The following MRS2 variants were observed in gnomAD, a reference collection of about 807,000 sequenced individuals.
MRS2 encodes the protein magnesium transporter MRS2 homolog, mitochondrial.
In MRS2, 40 loss-of-function variants were observed where a neutral mutation model predicts 52.6. The ratio of observed to expected loss-of-function variants is 0.76; its 90% CI spans 0.59 to 0.99. The LOEUF (loss-of-function observed/expected upper bound fraction) is 0.99, where lower values mean the gene tolerates loss of function less well. Ranked by LOEUF, MRS2 falls within the 50% of genes least tolerant of loss-of-function variation. The pLI, the probability that MRS2 is intolerant of heterozygous loss-of-function variation, is 0.00. For missense variants in MRS2, 472 were observed against 532.7 expected, an observed-to-expected ratio of 0.89 and a Z score of 1.12; for synonymous variants, 193 against 195.9, an observed-to-expected ratio of 0.98 and a Z score of 0.13.
At chr6:24,403,461 C>T (rs1167698885) in intron 1 of MRS2, among the ~76,000 whole-genome samples, 3 of 152,206 alleles carry the variant, frequency 2.0e-5, no homozygotes, top group Non-Finnish European at 2.9e-5. Flanking sequence ...TCCCAGCGGC[C>T]AACCCTCTGC....
rs527807926 is a variant in MRS2, at chr6:24,418,362, G to A, written c.990-99G>A. On this transcript the variant is annotated intron_variant, in intron 8 of 10. Coordinates refer to ENST00000378386, the MANE Select transcript of MRS2 (RefSeq NM_020662.4). ...ATACTACATTATTATTATTTTTTTT[G>A]TTGTGTAGGTTTCATCCATGTGGTC... 1.0e-4 allele frequency: 154 copies of A among 1,510,030 alleles called. 1 individual carries two copies. Among genetic ancestry groups the A allele is most frequent in the Middle Eastern group, 7.9e-4 (4 of 5,076 alleles). The allele number at this position is 1,510,030 out of a possible 1,614,324, so 93.5% of individuals were successfully genotyped here. A position where few individuals can be genotyped will look rare whatever the true frequency, so the allele number is the denominator to read the frequency against.
Position 24,403,221 on chromosome 6 carries a change from C to A in MRS2, c.175C>A (p.Arg59=). Residue 59 remains arginine, a synonymous_variant, in exon 1 of 11, where the codon CGG becomes AGG. Transcript: ENST00000378386. ...AGCGGCGCAGCTTTGCGGGCCCGAC[C>A]GGCTCCGCGTGGCAGGTACTGCCCT... The part of the protein sequence containing the change: ...SRAAQLCGPD[R]LRVAGEVHRF... 6.3e-7 allele frequency: 1 copy of A among 1,597,570 alleles called. No individual in the cohort carries two copies.
At position 24,418,254 on chromosome 6, in the gene MRS2, A is replaced by G; in HGVS notation, c.989+18A>G. 6.5e-7 allele frequency: 1 copy of G among 1,546,884 alleles called. No homozygotes were observed. The highest frequency in any genetic ancestry group is 8.7e-7 in the Non-Finnish European group (1 of 1,151,330). ...CTGGACAGGTAAGAAAGCATTATAT[A>G]AAACTAAGTTTTTTTAATAAAATAA... On this transcript the variant is annotated intron_variant, in intron 8 of 10. Transcript: ENST00000378386.
chr6:24,423,169 A>G (rs376788057), intron 10 of MRS2, 119 bp downstream of exon 10: 38 of 723,048 alleles, frequency 5.3e-5, no homozygotes, highest in African/African-American at 4.4e-4. Context: ...TGCTTTCTCA[A>G]ACTTCCTTCA....
intron 2 of MRS2, among the ~76,000 whole-genome samples, chr6:24,405,567 A>G (rs1761439764): frequency 6.6e-6 from 1 of 151,988 alleles, no homozygotes; most frequent in Admixed American, 6.6e-5. Flanking sequence ...GTAGTATTTA[A>G]AAATGCATGC....
rs377186498 is a variant in MRS2 at position 24,425,891 on chromosome 6, T to C, written c.*2197T>C. The C allele has an allele frequency of 1.5e-4, 23 of 152,230 alleles. No individual in the cohort carries two copies. Among genetic ancestry groups the C allele is most frequent in the African/African-American group, 4.8e-4 (20 of 41,456 alleles). 9.4% of individuals were successfully genotyped at this position (152,230 alleles called of 1,614,324 possible). A position where few individuals can be genotyped will look rare whatever the true frequency, so the allele number is the denominator to read the frequency against. Reference sequence around the variant, plus strand: ...ATTCCAAGAGTTGTATACAGCTTTATTTTTTGGAATTGCAATATTAAAGTT... The same window carrying C: ...ATTCCAAGAGTTGTATACAGCTTTACTTTTTGGAATTGCAATATTAAAGTT... On this transcript the variant is annotated 3_prime_UTR_variant, in exon 11 of 11. Coordinates refer to ENST00000378386, the MANE Select transcript of MRS2 (RefSeq NM_020662.4).
rs1351790481 is a variant in MRS2, at chr6:24,418,117, A to G, written c.870A>G (p.Glu290=). Residue 290 remains glutamate (E), a synonymous_variant, in exon 8 of 11, where the codon GAA becomes GAG. Coordinates refer to ENST00000378386, the MANE Select transcript of MRS2 (RefSeq NM_020662.4). Reference sequence around the variant, plus strand: ...GCAGTGCTGGGATTGACCATGCAGAAGAGATGGAGTTGCTGTTGGAAAACT... The same window carrying G: ...GCAGTGCTGGGATTGACCATGCAGAGGAGATGGAGTTGCTGTTGGAAAACT... ...EKSSAGIDHA[E]EMELLLENYY... is the part of the protein sequence containing the mutation. 2 of 1,613,646 alleles carry G rather than the reference A, an allele frequency of 1.2e-6. No homozygotes were observed. The highest frequency in any genetic ancestry group is 1.7e-6 in the Non-Finnish European group (2 of 1,179,782).
At chr6:24,408,476 A>C (rs1438638584) in intron 3 of MRS2, 32 bp downstream of exon 3, 3 of 1,433,990 alleles carry the variant, frequency 2.1e-6, no homozygotes, top group Non-Finnish European at 2.9e-6. Context: ...TCATTTTTTA[A>C]ACATTTAATG....
chr6:24,422,194 T>C (rs1225379515), intron 9 of MRS2, among the ~76,000 whole-genome samples: 1 of 152,172 alleles, frequency 6.6e-6, no homozygotes, highest in Non-Finnish European at 1.5e-5. Context: ...ATAAGTGACA[T>C]GCATTTCCAT....
In MRS2 at chr6:24,418,531, C is replaced by T; in HGVS notation, c.1060C>T (p.Leu354=). ...AACCTTCTCTCTTTCGCTCTTTGGA[C>T]TAATGGGAGTTGCTTTTGGAATGAA... ...MGTFSLSLFG[L]MGVAFGMNLE... Residue 354 remains leucine, a synonymous_variant, in exon 9 of 11, where the codon CTA becomes TTA. Transcript: ENST00000378386. 1 of 1,613,908 alleles carries T rather than the reference C, an allele frequency of 6.2e-7. No homozygotes were observed. The highest frequency in any genetic ancestry group is 2.2e-5 in the East Asian group (1 of 44,874).
In MRS2 at chr6:24,412,171, G is replaced by A. The variant is rs1251910216; in HGVS notation, c.415-51G>A. Reference sequence around the variant, plus strand: ...CATATATATGTATATACATGCATGTGTGTATATACACTCACATATTTATAT... The same window carrying A: ...CATATATATGTATATACATGCATGTATGTATATACACTCACATATTTATAT... On this transcript the variant is annotated intron_variant, in intron 4 of 10. Coordinates refer to ENST00000378386, the MANE Select transcript of MRS2 (RefSeq NM_020662.4). The A allele has an allele frequency of 7.3e-6, 8 of 1,093,526 alleles. No homozygotes were observed. In the Admixed American group the frequency reaches 2.0e-4, roughly 28 times the overall value. The allele number at this position is 1,093,526 out of a possible 1,614,324, so 67.7% of individuals were successfully genotyped here.
intron 1 of MRS2, among the ~76,000 whole-genome samples, chr6:24,404,776 G>T (rs1320452413): frequency 6.6e-6 from 1 of 152,228 alleles, no homozygotes; most frequent in Non-Finnish European, 1.5e-5. Context: ...TTTCTAAAAT[G>T]TATCTACTAC....
intron 9 of MRS2, among the ~76,000 whole-genome samples, chr6:24,419,402 A>G (rs529606019): frequency 7.2e-5 from 11 of 152,360 alleles, no homozygotes; most frequent in African/African-American, 2.6e-4. Flanking sequence ...ACAGATGGGA[A>G]AGGTGTGATA....
intron 9 of MRS2, among the ~76,000 whole-genome samples, chr6:24,421,868 A>T (rs74293229): frequency 0.12 from 18,683 of 152,114 alleles, 1,483 homozygotes; most frequent in East Asian, 0.16. Flanking sequence ...TGCATATAGG[A>T]CTGGGGGTTG....
rs142761910 is a variant in MRS2, at chr6:24,418,147, C to T, written c.900C>T (p.Tyr300=). 17 of 1,613,518 alleles carry T rather than the reference C, an allele frequency of 1.1e-5. No homozygotes were observed. Among genetic ancestry groups the T allele is most frequent in the Middle Eastern group, 1.6e-4 (1 of 6,078 alleles). Residue 300 remains tyrosine, a synonymous_variant, in exon 8 of 11, where the codon TAC becomes TAT. Coordinates refer to ENST00000378386, the MANE Select transcript of MRS2 (RefSeq NM_020662.4). ...EEMELLLENY[Y]RLADDLSNAA... ...TGGAGTTGCTGTTGGAAAACTACTA[C>T]CGATTGGCTGACGATCTCTCCAATG...
At chr6:24,408,765 C>T (rs1400928110) in intron 3 of MRS2, among the ~76,000 whole-genome samples, 2 of 152,130 alleles carry the variant, frequency 1.3e-5, no homozygotes, top group South Asian at 2.1e-4. Context: ...CTCTTGTTGG[C>T]GTCCCTTTCA....
chr6:24,404,445 T>C (rs1273636750), intron 1 of MRS2, among the ~76,000 whole-genome samples: 2 of 152,198 alleles, frequency 1.3e-5, no homozygotes, highest in African/African-American at 2.4e-5. Context: ...TACGTGTATG[T>C]AGTAGAAAAA....
chr6:24,403,308 C>T, intron 1 of MRS2, 72 bp downstream of exon 1: 2 of 1,403,156 alleles, frequency 1.4e-6, no homozygotes, highest in South Asian at 3.0e-5. Context: ...CCCCAGCCGT[C>T]CGGCGCGGCG....
At chr6:24,405,044 A>G (rs772313629) in intron 1 of MRS2, 124 bp from the exon 2 acceptor site, 7 of 602,880 alleles carry the variant, frequency 1.2e-5, no homozygotes, top group Admixed American at 3.1e-5. Flanking sequence ...TTCTTTTCTT[A>G]TAGGAAAAAT....
Sources: gnomAD v4.1 joint callset for allele counts (sites outside exome capture counted in the v4.1 genomes callset) on GRCh38, gnomAD v4.1.1 for gene constraint, MANE v1.5 for transcripts, NCBI Gene and HGNC (gene_info 2026-07-23, HGNC 2026-07-21) for gene names.